MOGAT1: variants seen among roughly 807,000 people sequenced by gnomAD.
MOGAT1 encodes the protein monoacylglycerol O-acyltransferase 1.
Under a neutral mutation model 31.4 loss-of-function variants are expected in MOGAT1, and 32 were observed. That is an observed-to-expected ratio of 1.02 (90% CI 0.77 to 1.37). The LOEUF is 1.37. Ranked by LOEUF, MOGAT1 falls within the 40% of genes most tolerant of loss-of-function variation. MOGAT1 has a pLI of 0.00. For synonymous variants in MOGAT1, 145 were observed against 144.5 expected (o/e 1.00, Z -0.03); for missense variants, 426 against 402.0 (o/e 1.06, Z -0.51).
chr2:222,673,311 T>A (rs544395669), intron 1 of MOGAT1, among the ~76,000 whole-genome samples: 8 of 116,778 alleles, frequency 6.9e-5, no homozygotes, highest in African/African-American at 2.5e-4. Flanking sequence ...GACTCTCCTG[T>A]GCTGCTAGGT....
chr2:222,693,457 T>G (rs999961020), intron 3 of MOGAT1, among the ~76,000 whole-genome samples: 9 of 151,882 alleles, frequency 5.9e-5, no homozygotes, highest in African/African-American at 1.5e-4. Flanking sequence ...TGTTTTTTTT[T>G]TTTTTTTTTT....
intron 4 of MOGAT1, 92 bp from the exon 5 acceptor site, chr2:222,694,997 T>C (rs1015502041): frequency 1.0e-6 from 1 of 987,520 alleles, no homozygotes; most frequent in African/African-American, 1.7e-5. Context: ...TTAAAAAATT[T>C]TTCAGAAGTT....
chr2:222,680,857 T>G (rs891351913), intron 1 of MOGAT1, among the ~76,000 whole-genome samples: 7 of 152,244 alleles, frequency 4.6e-5, no homozygotes, highest in African/African-American at 7.2e-5. Flanking sequence ...TTATGGTCAT[T>G]ATTTAATGCA....
chr2:222,699,002 CTTTTT>C (rs10587188), intron 5 of MOGAT1: 4 of 118,038 alleles, frequency 3.4e-5, no homozygotes, highest in Non-Finnish European at 5.1e-5. Flanking sequence ...CTTTCACTGT[CTTTTT>C]TTTTTTTTTT....
At chr2:222,691,670 C>T (rs1055194352) in intron 3 of MOGAT1, among the ~76,000 whole-genome samples, 6 of 152,210 alleles carry the variant, frequency 3.9e-5, no homozygotes, top group African/African-American at 1.2e-4. Flanking sequence ...CTTCCTAGGA[C>T]AGCCCTTGGT....
At chr2:222,672,555 T>TGTTTTTG (rs1692434260) in intron 1 of MOGAT1, among the ~76,000 whole-genome samples, 2 of 152,186 alleles carry the variant, frequency 1.3e-5, no homozygotes, top group Non-Finnish European at 2.9e-5. Flanking sequence ...GGGTGGTTTT[T>TGTTTTTG]CTTTTTGTTT....
intron 5 of MOGAT1, among the ~76,000 whole-genome samples, chr2:222,708,803 A>G (rs764461650): frequency 3.5e-4 from 53 of 151,952 alleles, no homozygotes; most frequent in Non-Finnish European, 6.9e-4. Flanking sequence ...CATTTTAGAC[A>G]TCTGTGTGTA....
chr2:222,691,576 G>A (rs976098575), intron 3 of MOGAT1, among the ~76,000 whole-genome samples: 2 of 152,166 alleles, frequency 1.3e-5, no homozygotes, highest in Non-Finnish European at 2.9e-5. Flanking sequence ...AAGGTAAATA[G>A]AAATACTCAA....
At chr2:222,679,453 T>C (rs1250554200) in intron 1 of MOGAT1, among the ~76,000 whole-genome samples, 1 of 152,240 alleles carries the variant, frequency 6.6e-6, no homozygotes, top group Non-Finnish European at 1.5e-5. Flanking sequence ...GGGATTTTGA[T>C]TGGGATTGCT....
Position 222,695,152 on chromosome 2 carries a change from T to C in MOGAT1, c.717T>C (p.Pro239=), listed in dbSNP as rs764692755. 3 of 1,613,496 alleles carry C rather than the reference T, an allele frequency of 1.9e-6. No homozygotes were observed. The highest frequency in any genetic ancestry group is 3.3e-5 in the Admixed American group (2 of 59,930). Residue 239 remains proline (P), a synonymous_variant, in exon 5 of 6, where the codon CCT becomes CCC. Coordinates refer to ENST00000446656, the MANE Select transcript of MOGAT1 (RefSeq NM_058165.3). ...ENELFKQTDN[P]EGSWIRTVQN... ...AACTGTTTAAACAAACTGACAACCC[T>C]GAAGGATCATGGATTAGAACTGTTC...
intron 1 of MOGAT1, among the ~76,000 whole-genome samples, chr2:222,688,093 C>CT (rs1247074497): frequency 6.6e-6 from 1 of 152,112 alleles, no homozygotes; most frequent in Non-Finnish European, 1.5e-5. Flanking sequence ...ACTGTGGCTA[C>CT]TTTATTGGTA....
chr2:222,683,825 A>C (rs940909251), intron 1 of MOGAT1, among the ~76,000 whole-genome samples: 1 of 152,228 alleles, frequency 6.6e-6, no homozygotes, highest in African/African-American at 2.4e-5. Flanking sequence ...TAGGAAGCCA[A>C]GTTGTGGTTT....
At chr2:222,689,138 C>A in intron 2 of MOGAT1, 127 bp from the exon 3 acceptor site, 1 of 818,094 alleles carries the variant, frequency 1.2e-6, no homozygotes, top group Non-Finnish European at 1.9e-6. Context: ...ACAGCTCCAA[C>A]CCAGGGAACA....
Position 222,688,758 on chromosome 2 carries a change from C to T in MOGAT1, c.273+236C>T, listed in dbSNP as rs374815418. Among the ~76,000 whole-genome samples, 3 of 152,256 alleles carry T rather than the reference C, an allele frequency of 2.0e-5. No individual in the cohort carries two copies. The East Asian group carries it at 5.8e-4, about 29-fold the overall frequency. On this transcript the variant is annotated intron_variant, in intron 2 of 5. Transcript: ENST00000446656. ...GATGCTGGCATCTGGCAAGAGCCTTCCTGCTGCATCAGCCCATAGCGCAAG... is the reference window on the plus strand; with the variant it reads ...GATGCTGGCATCTGGCAAGAGCCTTTCTGCTGCATCAGCCCATAGCGCAAG...
chr2:222,677,717 G>A (rs185466425), intron 1 of MOGAT1: 5 of 418,178 alleles, frequency 1.2e-5, no homozygotes, highest in East Asian at 1.4e-4. Flanking sequence ...TTTTCTTTCC[G>A]TGTCGATTCT....
chr2:222,702,922 A>G (rs1692947699), intron 5 of MOGAT1, among the ~76,000 whole-genome samples: 1 of 152,158 alleles, frequency 6.6e-6, no homozygotes, highest in Admixed American at 6.5e-5. Flanking sequence ...GGGAAACTTA[A>G]TTTTTCATTG....
chr2:222,707,703 A>AGAAAACCACAT lies in MOGAT1; in HGVS notation c.854-2030_854-2020dup, dbSNP rs1380377831. ...ATAAATGTGACATCCAAGCTATCAA[A>AGAAAACCACAT]GAAAACCACATGAGCTTTTCAAGGC... On this transcript the variant is annotated intron_variant, in intron 5 of 5. Coordinates refer to ENST00000446656, the MANE Select transcript of MOGAT1 (RefSeq NM_058165.3). 2.2e-4 allele frequency among the ~76,000 whole-genome samples: 34 copies of AGAAAACCACAT among 152,264 alleles called. 1 individual carries two copies. Among genetic ancestry groups the AGAAAACCACAT allele is most frequent in the Admixed American group, 2.2e-3 (34 of 15,292 alleles).
At chr2:222,691,968 C>G (rs1692769294) in intron 3 of MOGAT1, among the ~76,000 whole-genome samples, 2 of 152,220 alleles carry the variant, frequency 1.3e-5, no homozygotes, top group South Asian at 4.1e-4. Flanking sequence ...TCTGTTTACC[C>G]CTTAAGGCTG....
In MOGAT1 at chr2:222,671,819, C is replaced by A; in HGVS notation, c.34C>A (p.Leu12Met). ...AGAGTTTGCACCGCTCAACATCCAG[C>A]TGGCGCGGCGGCTGCAGACGGTGGC... ...KVEFAPLNIQ[L>M]ARRLQTVAVL... The change falls in exon 1 of 6, where the codon CTG becomes ATG. Residue 12 changes from leucine (L) to methionine (M), a missense_variant. Physicochemically the swap from Leu to Met is conservative, Grantham distance 15. Transcript: ENST00000446656. The A allele has an allele frequency of 1.3e-6, 2 of 1,554,142 alleles. No homozygotes were observed. The highest frequency in any genetic ancestry group is 1.7e-6 in the Non-Finnish European group (2 of 1,148,778).
Sources: allele counts gnomAD v4.1 joint callset (sites outside exome capture counted in the v4.1 genomes callset), GRCh38; gene constraint gnomAD v4.1.1; transcripts MANE v1.5; gene names NCBI Gene and HGNC (gene_info 2026-07-23, HGNC 2026-07-21).